Variants in NTM observed in about 807,000 individuals in gnomAD.
NTM encodes the protein neurotrimin.
In NTM, 13 loss-of-function variants were observed where a neutral mutation model predicts 42.1. The ratio of observed to expected loss-of-function variants is 0.31; its 90% CI spans 0.20 to 0.49. The LOEUF (loss-of-function observed/expected upper bound fraction) is 0.49, where lower values mean the gene tolerates loss of function less well. Among genes scored for constraint, NTM ranks in the 20% least tolerant of loss-of-function variants. The pLI is 0.99. For missense variants in NTM, 373 were observed against 452.8 expected (o/e 0.82, Z 1.60); for synonymous variants, 187 against 179.2 (o/e 1.04, Z -0.35).
rs927278939 is a variant in NTM at position 132,174,415 on chromosome 11, G to A, written c.400+27901G>A. On this transcript the variant is annotated intron_variant, in intron 3 of 8. Coordinates refer to ENST00000683400, the MANE Select transcript of NTM (RefSeq NM_001352005.2). The stretch of plus-strand genomic sequence containing the variant: ...CATTATTTTAGGCTCTAAAAAAATC[G>A]TAAATGTATCAGCAAGTTAAGAATG... 7.9e-5 allele frequency among the ~76,000 whole-genome samples: 12 copies of A among 152,218 alleles called. No individual in the cohort carries two copies. The South Asian group carries it at 1.0e-3, about 13-fold the overall frequency.
intron 1 of NTM, among the ~76,000 whole-genome samples, chr11:131,387,903 G>A (rs914331596): frequency 1.3e-5 from 2 of 152,188 alleles, no homozygotes; most frequent in Non-Finnish European, 1.5e-5. Flanking sequence ...AATCTGCCCT[G>A]GGAAAAGAGA....
intron 7 of NTM, among the ~76,000 whole-genome samples, chr11:132,315,911 C>T (rs1199342370): frequency 6.6e-6 from 1 of 152,104 alleles, no homozygotes; most frequent in East Asian, 1.9e-4. Context: ...CAGGGATGAT[C>T]ATAAGAGCCC....
intron 2 of NTM, among the ~76,000 whole-genome samples, chr11:131,942,665 G>T (rs1003665372): frequency 6.6e-6 from 1 of 152,164 alleles, no homozygotes; most frequent in African/African-American, 2.4e-5. Context: ...TAGAGTTTAG[G>T]CTGGGTGTGG....
At chr11:132,095,357 C>A (rs146867892) in intron 2 of NTM, among the ~76,000 whole-genome samples, 1,760 of 152,216 alleles carry the variant, frequency 0.012, 34 homozygotes, top group African/African-American at 0.04. Context: ...AGCCCCTCCA[C>A]AGGAACCCTT....
At chr11:131,498,178 A>G (rs1346496710) in intron 1 of NTM, among the ~76,000 whole-genome samples, 3 of 152,190 alleles carry the variant, frequency 2.0e-5, no homozygotes, top group Non-Finnish European at 2.9e-5. Flanking sequence ...ATTTGCTTCC[A>G]ACGGGAGGTT....
chr11:132,153,567 C>T (rs2072472720), intron 3 of NTM, among the ~76,000 whole-genome samples: 1 of 152,182 alleles, frequency 6.6e-6, no homozygotes, highest in Non-Finnish European at 1.5e-5. Context: ...GATGCCATCA[C>T]TGTTAGGAGA....
chr11:131,446,859 A>G (rs1444376762), intron 1 of NTM, among the ~76,000 whole-genome samples: 2 of 152,216 alleles, frequency 1.3e-5, no homozygotes, highest in Non-Finnish European at 2.9e-5. Context: ...TCTAGGACAC[A>G]TGTCATCATT....
intron 1 of NTM, among the ~76,000 whole-genome samples, chr11:131,581,751 C>T (rs1176715831): frequency 6.6e-6 from 1 of 152,074 alleles, no homozygotes; most frequent in Non-Finnish European, 1.5e-5. Flanking sequence ...GAGACTGATC[C>T]CCTAAAATGG....
intron 3 of NTM, among the ~76,000 whole-genome samples, chr11:132,182,241 T>A (rs2077689424): frequency 6.6e-6 from 1 of 152,086 alleles, no homozygotes; most frequent in Non-Finnish European, 1.5e-5. Context: ...CTACCAAATA[T>A]TCCTTTCCCT....
At chr11:131,432,083 C>T (rs1453183912) in intron 1 of NTM, among the ~76,000 whole-genome samples, 3 of 152,192 alleles carry the variant, frequency 2.0e-5, no homozygotes, top group South Asian at 4.1e-4. Context: ...TAGCCCTCTG[C>T]ATTTCCAAGA....
intron 1 of NTM, among the ~76,000 whole-genome samples, chr11:131,835,059 C>G (rs2043312228): frequency 6.6e-6 from 1 of 152,118 alleles, no homozygotes; most frequent in Admixed American, 6.5e-5. Flanking sequence ...AGAAGTTCAG[C>G]TAACATCCCT....
intron 1 of NTM, among the ~76,000 whole-genome samples, chr11:131,724,159 G>A (rs1240527535): frequency 6.6e-6 from 1 of 152,106 alleles, no homozygotes; most frequent in East Asian, 1.9e-4. Context: ...CCTGGGCCAC[G>A]GCTTTGTTCT....
At chr11:132,282,144 A>T (rs1031790154) in intron 4 of NTM, among the ~76,000 whole-genome samples, 1 of 152,198 alleles carries the variant, frequency 6.6e-6, no homozygotes, top group African/African-American at 2.4e-5. Flanking sequence ...TGAAGTCAGT[A>T]TAAAGATTTA....
chr11:132,116,508 A>G (rs1029757207), intron 2 of NTM, among the ~76,000 whole-genome samples: 2 of 152,326 alleles, frequency 1.3e-5, no homozygotes, highest in African/African-American at 4.8e-5. Flanking sequence ...GGGGACAGAT[A>G]CATGAGTGCC....
intron 1 of NTM, among the ~76,000 whole-genome samples, chr11:131,451,993 G>A (rs1392842193): frequency 3.3e-5 from 5 of 152,286 alleles, no homozygotes; most frequent in East Asian, 1.9e-4. Flanking sequence ...CCCGCTCTCC[G>A]ATGACCCTGG....
intron 1 of NTM, among the ~76,000 whole-genome samples, chr11:131,550,006 G>A (rs1469134316): frequency 6.6e-6 from 1 of 152,202 alleles, no homozygotes; most frequent in Admixed American, 6.5e-5. Context: ...CAAACACTCA[G>A]TGTTTACATT....
intron 1 of NTM, chr11:131,767,268 C>T (rs903199185): frequency 3.2e-6 from 1 of 309,842 alleles, no homozygotes; most frequent in African/African-American, 2.3e-5. Flanking sequence ...CAAGAATATC[C>T]ATGCTTTGGC....
intron 4 of NTM, among the ~76,000 whole-genome samples, chr11:132,236,112 T>C (rs2088831011): frequency 6.6e-6 from 1 of 152,150 alleles, no homozygotes; most frequent in Admixed American, 6.5e-5. Context: ...GATTTCGTTG[T>C]CATTGAAGGC....
In NTM at chr11:131,972,646, C is replaced by T. The variant is rs186801813; in HGVS notation, c.167+60998C>T. ...TTCTTTTTCTGTGTTTCTGCTTTGG[C>T]CTCCACATTGCTTTTCTGTTCATCT... On this transcript the variant is annotated intron_variant, in intron 2 of 8. Transcript: ENST00000683400. 2.1e-3 allele frequency among the ~76,000 whole-genome samples: 321 copies of T among 152,228 alleles called. 2 individuals are homozygous for T. Among genetic ancestry groups the T allele is most frequent in the African/African-American group, 7.3e-3 (302 of 41,546 alleles).
Sources: allele counts gnomAD v4.1 joint callset (sites outside exome capture counted in the v4.1 genomes callset), GRCh38; gene constraint gnomAD v4.1.1; transcripts MANE v1.5; gene names NCBI Gene and HGNC (gene_info 2026-07-23, HGNC 2026-07-21).